The following PCDHGB6 variants were observed in gnomAD, a reference collection of about 807,000 sequenced individuals.
PCDHGB6 encodes protocadherin gamma-B6.
In PCDHGB6, 51 loss-of-function variants were observed where a neutral mutation model predicts 59.1. The ratio of observed to expected loss-of-function variants is 0.86; its 90% CI spans 0.69 to 1.09. The LOEUF is 1.09. Ranked by LOEUF, PCDHGB6 falls within the 50% of genes least tolerant of loss-of-function variation. The pLI is 0.00. For synonymous variants in PCDHGB6, 466 were observed against 495.1 expected (o/e 0.94, Z 0.78); for missense variants, 1,148 against 1,205.1 (o/e 0.95, Z 0.70).
Position 141,476,477 on chromosome 5 carries a change from G to C in PCDHGB6, c.2419-18330G>C. ...GGAGAACCCGCTGGAGCTGTTCAGCGTGGAAGTGGTGATCCAGGACATCAA... is the reference window on the plus strand; with the variant it reads ...GGAGAACCCGCTGGAGCTGTTCAGCCTGGAAGTGGTGATCCAGGACATCAA... On this transcript the variant is annotated intron_variant, in intron 1 of 3. Coordinates refer to ENST00000520790, the MANE Select transcript of PCDHGB6 (RefSeq NM_018926.3). The surrounding 1 kb of genome is among the most constrained non-coding windows in gnomAD (Gnocchi z 7.6). The C allele has an allele frequency of 5.0e-6, 8 of 1,614,078 alleles. No homozygotes were observed. Among genetic ancestry groups the C allele is most frequent in the Non-Finnish European group, 6.8e-6 (8 of 1,180,018 alleles).
In PCDHGB6 at chr5:141,409,913, G is replaced by A; in HGVS notation, c.1711G>A (p.Gly571Ser). 6.2e-7 allele frequency: 1 copy of A among 1,613,334 alleles called. No individual in the cohort carries two copies. The highest frequency in any genetic ancestry group is 1.1e-5 in the South Asian group (1 of 91,078). Reference sequence around the variant, plus strand: ...GCTGTACCCAGCTCTGGGTCCTGACGGCTCCGCGTTCTTCGATATGGTACC... The same window carrying A: ...GCTGTACCCAGCTCTGGGTCCTGACAGCTCCGCGTTCTTCGATATGGTACC... The part of the protein sequence containing the change: ...RVLYPALGPD[G>S]SAFFDMVPRS... The change falls in exon 1 of 4, where the codon GGC becomes AGC. Residue 571 changes from glycine (G) to serine (S), a missense_variant. This residue lies in a region of PCDHGB6 where 549 missense variants were observed against 527.5 expected (regional missense o/e 1.04). Coordinates refer to ENST00000520790, the MANE Select transcript of PCDHGB6 (RefSeq NM_018926.3).
chr5:141,421,532 C>T lies in PCDHGB6; in HGVS notation c.2418+10912C>T, dbSNP rs557991200. On this transcript the variant is annotated intron_variant, in intron 1 of 3. Transcript: ENST00000520790. ...GAGGAGCTCTGTGAGACGGTGTCCT[C>T]CTGTTTTTTAAATATGGAACTTCTC... The T allele has an allele frequency of 1.4e-5, 23 of 1,613,996 alleles. No individual in the cohort carries two copies. In the African/African-American group the frequency reaches 2.4e-4, roughly 17 times the overall value.
chr5:141,486,608 G>A lies in PCDHGB6; in HGVS notation c.2419-8199G>A. On this transcript the variant is annotated intron_variant, in intron 1 of 3. Transcript: ENST00000520790. The surrounding 1 kb of genome is among the most constrained non-coding windows in gnomAD (Gnocchi z 5.0). ...AGGGGACCTGCTTTGCTCCCTTGCAGCCTCTGACCCAGACTCTGGCTTGAA... is the reference window on the plus strand; with the variant it reads ...AGGGGACCTGCTTTGCTCCCTTGCAACCTCTGACCCAGACTCTGGCTTGAA... 3 of 1,613,546 alleles carry A rather than the reference G, an allele frequency of 1.9e-6. No homozygotes were observed. The highest frequency in any genetic ancestry group is 2.5e-6 in the Non-Finnish European group (3 of 1,180,024).
At chr5:141,449,567 C>T (rs1412647192) in intron 1 of PCDHGB6, among the ~76,000 whole-genome samples, 2 of 133,846 alleles carry the variant, frequency 1.5e-5, no homozygotes, top group Non-Finnish European at 3.1e-5. Context: ...CCAGCCTGGG[C>T]GACAGAGCAA....
intron 2 of PCDHGB6, among the ~76,000 whole-genome samples, chr5:141,503,638 T>C (rs1467962880): frequency 1.3e-5 from 2 of 151,908 alleles, no homozygotes; most frequent in Non-Finnish European, 2.9e-5. Flanking sequence ...AAATAATTAT[T>C]GAATCAATGG....
intron 1 of PCDHGB6, among the ~76,000 whole-genome samples, chr5:141,446,356 A>G (rs73280911): frequency 0.088 from 13,411 of 152,284 alleles, 771 homozygotes; most frequent in African/African-American, 0.16. Flanking sequence ...CTACCATTTG[A>G]TGAGAATGGA....
chr5:141,486,707 C>A lies in PCDHGB6; in HGVS notation c.2419-8100C>A, dbSNP rs1314530265. On this transcript the variant is annotated intron_variant, in intron 1 of 3. Coordinates refer to ENST00000520790, the MANE Select transcript of PCDHGB6 (RefSeq NM_018926.3). The surrounding 1 kb of genome is among the most constrained non-coding windows in gnomAD (Gnocchi z 5.0). ...AGCTTCCTCTTTCATCTCTCTGAAC[C>A]CCCAGACAGGAGCTGTTCATGCTAC... 2 of 1,614,040 alleles carry A rather than the reference C, an allele frequency of 1.2e-6. No individual in the cohort carries two copies. The highest frequency in any genetic ancestry group is 1.7e-6 in the Non-Finnish European group (2 of 1,180,038).
At chr5:141,434,080 A>G (rs775751994) in intron 1 of PCDHGB6, among the ~76,000 whole-genome samples, 2 of 152,042 alleles carry the variant, frequency 1.3e-5, no homozygotes, top group Non-Finnish European at 2.9e-5. Flanking sequence ...TCAATTATTT[A>G]TTTTGATGCT....
intron 1 of PCDHGB6, among the ~76,000 whole-genome samples, chr5:141,453,993 A>T (rs2098779172): frequency 6.6e-6 from 1 of 152,234 alleles, no homozygotes; most frequent in African/African-American, 2.4e-5. Flanking sequence ...CCAGTGATAA[A>T]CCCACATAAC....
Position 141,489,400 on chromosome 5 carries a change from T to A in PCDHGB6, c.2419-5407T>A. 6.2e-7 allele frequency: 1 copy of A among 1,614,134 alleles called. No individual in the cohort carries two copies. Among genetic ancestry groups the A allele is most frequent in the Non-Finnish European group, 8.5e-7 (1 of 1,180,020 alleles). On this transcript the variant is annotated intron_variant, in intron 1 of 3. Transcript: ENST00000520790. This position sits in a 1 kb window ranked among gnomAD's most constrained non-coding sequence, Gnocchi z 4.5. ...GGGGAATGTTGCTCAGGATCTGGGC[T>A]TAAAGATGACAGATCTGTTGAGCCG...
chr5:141,472,335 A>T (rs1033984936), intron 1 of PCDHGB6, among the ~76,000 whole-genome samples: 38 of 151,784 alleles, frequency 2.5e-4, no homozygotes, highest in Non-Finnish European at 2.5e-4. Context: ...AGGTTGGGAG[A>T]TCGAGACCAT....
chr5:141,432,288 A>C lies in PCDHGB6; in HGVS notation c.2418+21668A>C. ...TCGTCCTACGTGTCCATCAACTCCG[A>C]CACTGGGGTACTGTATGCGCTGAGC... On this transcript the variant is annotated intron_variant, in intron 1 of 3. Coordinates refer to ENST00000520790, the MANE Select transcript of PCDHGB6 (RefSeq NM_018926.3). This position sits in a 1 kb window ranked among gnomAD's most constrained non-coding sequence, Gnocchi z 6.0. 1 of 1,614,192 alleles carries C rather than the reference A, an allele frequency of 6.2e-7. No individual in the cohort carries two copies. Among genetic ancestry groups the C allele is most frequent in the Non-Finnish European group, 8.5e-7 (1 of 1,180,018 alleles).
rs182282975 is a variant in PCDHGB6 at position 141,420,903 on chromosome 5, A to G, written c.2418+10283A>G. The G allele has an allele frequency of 1.7e-5, 5 of 296,804 alleles. No individual in the cohort carries two copies. In the Admixed American group the frequency reaches 1.8e-4, roughly 11 times the overall value. The allele number at this position is 296,804 out of a possible 1,614,324, so 18.4% of individuals were successfully genotyped here. On this transcript the variant is annotated intron_variant, in intron 1 of 3. Transcript: ENST00000520790. ...TGTATCATCGTTTTTAAGCTCTACA[A>G]ATACGTGTGATTCACAAAGGTGAGC...
At position 141,487,905 on chromosome 5, in the gene PCDHGB6, G is replaced by A. The variant is rs1305989274; in HGVS notation, c.2419-6902G>A. The A allele has an allele frequency of 2.9e-6, 2 of 686,270 alleles. No individual in the cohort carries two copies. The highest frequency in any genetic ancestry group is 3.6e-5 in the African/African-American group (2 of 55,348). The allele number at this position is 686,270 out of a possible 1,614,324, so 42.5% of individuals were successfully genotyped here. ...GTGGAAGCATGATGATGGAATGTGG[G>A]AGCACAGGAGGCTACAGTGCACAGG... On this transcript the variant is annotated intron_variant, in intron 1 of 3. Coordinates refer to ENST00000520790, the MANE Select transcript of PCDHGB6 (RefSeq NM_018926.3). This position sits in a 1 kb window ranked among gnomAD's most constrained non-coding sequence, Gnocchi z 5.0.
chr5:141,447,805 G>T (rs1389870133), intron 1 of PCDHGB6, among the ~76,000 whole-genome samples: 2 of 152,064 alleles, frequency 1.3e-5, no homozygotes, highest in African/African-American at 4.8e-5. Context: ...AATAAAATTG[G>T]CTGGGCGTGG....
At chr5:141,467,941 G>A (rs1173095290) in intron 1 of PCDHGB6, among the ~76,000 whole-genome samples, 4 of 151,984 alleles carry the variant, frequency 2.6e-5, no homozygotes, top group Admixed American at 2.6e-4. Context: ...TTACAAGCAT[G>A]AGCCACCACA....
At chr5:141,454,034 G>A (rs530844564) in intron 1 of PCDHGB6, among the ~76,000 whole-genome samples, 10 of 152,270 alleles carry the variant, frequency 6.6e-5, no homozygotes, top group African/African-American at 2.4e-4. Context: ...GAATTGGCCA[G>A]CAAAGATAAA....
rs1055747392 is a variant in PCDHGB6 at position 141,490,298 on chromosome 5, C to G, written c.2419-4509C>G. 6.2e-7 allele frequency: 1 copy of G among 1,614,178 alleles called. No individual in the cohort carries two copies. The highest frequency in any genetic ancestry group is 1.3e-5 in the African/African-American group (1 of 75,036). On this transcript the variant is annotated intron_variant, in intron 1 of 3. Transcript: ENST00000520790. The surrounding 1 kb of genome is among the most constrained non-coding windows in gnomAD (Gnocchi z 5.4). ...GACAATGCCCCAGAGGTGCTATTGG[C>G]CTCTTTGGCCAACCCTGTCCTAGAG...
intron 1 of PCDHGB6, among the ~76,000 whole-genome samples, chr5:141,468,306 C>T (rs1006015063): frequency 9.5e-6 from 1 of 105,260 alleles, no homozygotes; most frequent in African/African-American, 3.7e-5. Context: ...GCCTGGGCAA[C>T]AAGAGCAACG....
Sources: allele counts gnomAD v4.1 joint callset (sites outside exome capture counted in the v4.1 genomes callset), GRCh38; gene constraint gnomAD v4.1.1; regional missense constraint gnomAD v4.1.1; non-coding constraint Gnocchi (gnomAD v3.1); transcripts MANE v1.5; gene names NCBI Gene and HGNC (gene_info 2026-07-23, HGNC 2026-07-21).